B3GALT6: variants seen among roughly 807,000 people sequenced by gnomAD.
B3GALT6 encodes the protein GAG GalTII.
B3GALT6 carries 27 observed loss-of-function variants against 23.3 expected under a neutral mutation model. The ratio of observed to expected loss-of-function variants is 1.16; its 90% confidence interval spans 0.85 to 1.60. The LOEUF (loss-of-function observed/expected upper bound fraction) is 1.60. Among genes scored for constraint, B3GALT6 ranks in the 40% most tolerant of loss-of-function variants. The pLI, the probability that B3GALT6 is intolerant of heterozygous loss-of-function variation, is 0.00. For synonymous variants in B3GALT6, 313 were observed against 232.3 expected (o/e 1.35, Z -3.16); for missense variants, 554 against 471.1 (o/e 1.18, Z -1.63).
chr1:1,232,489 G>A lies in B3GALT6; in HGVS notation c.211G>A (p.Glu71Lys). ...GGTGGCCAGCGCGCCCCGCGCCGCCGAGCGCCGCAGCGTGATCCGCAGCAC... is the reference window on the plus strand; with the variant it reads ...GGTGGCCAGCGCGCCCCGCGCCGCCAAGCGCCGCAGCGTGATCCGCAGCAC... ...VLVASAPRAA[E>K]RRSVIRSTWL... Residue 71 changes from glutamate to lysine, a missense_variant, in exon 1 of 1, where the codon GAG becomes AAG. Transcript: ENST00000379198. 6.7e-6 allele frequency: 7 copies of A among 1,049,494 alleles called. No individual in the cohort carries two copies. Among genetic ancestry groups the A allele is most frequent in the Non-Finnish European group, 6.9e-6 (6 of 873,698 alleles). The allele number at this position is 1,049,494 out of a possible 1,614,324, so 65.0% of individuals were successfully genotyped here. A position where few individuals can be genotyped will look rare whatever the true frequency, so the allele number is the denominator to read the frequency against.
rs1283520852 is a variant in B3GALT6 at position 1,233,810 on chromosome 1, A to C, written c.*542A>C. 1 of 167,026 alleles carries C rather than the reference A, an allele frequency of 6.0e-6. No individual in the cohort carries two copies. Among genetic ancestry groups the C allele is most frequent in the Non-Finnish European group, 1.5e-5 (1 of 68,276 alleles). 10.3% of individuals were successfully genotyped at this position (167,026 alleles called of 1,614,324 possible). On this transcript the variant is annotated 3_prime_UTR_variant, in exon 1 of 1. Transcript: ENST00000379198. ...TCAGAACTTGGTGCCTGTACCGTCA[A>C]CCCCGCTGCTGCCCGTGTTTAAACG...
Position 1,234,841 on chromosome 1 carries a change from A to C in B3GALT6, c.*1573A>C, listed in dbSNP as rs1364070282. The C allele has an allele frequency of 6.0e-6, 1 of 166,868 alleles. No homozygotes were observed. The highest frequency in any genetic ancestry group is 1.5e-5 in the Non-Finnish European group (1 of 68,100). The allele number at this position is 166,868 out of a possible 1,614,324, so 10.3% of individuals were successfully genotyped here. Reference sequence around the variant, plus strand: ...ACAGTGGAGAGCGGGATTCGAACCAAGGGCTGGACTCCCACACCTCTGGCC... The same window carrying C: ...ACAGTGGAGAGCGGGATTCGAACCACGGGCTGGACTCCCACACCTCTGGCC... On this transcript the variant is annotated 3_prime_UTR_variant, in exon 1 of 1. Coordinates refer to ENST00000379198, the MANE Select transcript of B3GALT6 (RefSeq NM_080605.4).
chr1:1,234,592 C>T lies in B3GALT6; in HGVS notation c.*1324C>T, dbSNP rs910663784. ...CGTGTGTGCACAGTTTGTTCTTGGA[C>T]GAGGACTCGTGAGGATCGAGGGCTG... On this transcript the variant is annotated 3_prime_UTR_variant, in exon 1 of 1. Transcript: ENST00000379198. The T allele has an allele frequency of 1.8e-4, 30 of 167,058 alleles. No homozygotes were observed. Among genetic ancestry groups the T allele is most frequent in the Non-Finnish European group, 3.4e-4 (23 of 68,164 alleles). The allele number at this position is 167,058 out of a possible 1,614,324, so 10.3% of individuals were successfully genotyped here.
In B3GALT6 at chr1:1,233,358, A is replaced by G. The variant is rs1638581424; in HGVS notation, c.*90A>G. The G allele has an allele frequency of 3.6e-5, 49 of 1,351,878 alleles. No homozygotes were observed. In the South Asian group the frequency reaches 6.1e-4, roughly 17 times the overall value. The allele number at this position is 1,351,878 out of a possible 1,614,324, so 83.7% of individuals were successfully genotyped here. On this transcript the variant is annotated 3_prime_UTR_variant, in exon 1 of 1. Transcript: ENST00000379198. ...GCGGGCGCACTACGCCCGGGCCCCA[A>G]GGCCCCCGTCCCGCAGCCACGCTTG...
Position 1,234,830 on chromosome 1 carries a change from G to T in B3GALT6, c.*1562G>T, listed in dbSNP as rs1043012123. The T allele has an allele frequency of 1.2e-5, 2 of 167,038 alleles. No homozygotes were observed. Among genetic ancestry groups the T allele is most frequent in the Admixed American group, 1.3e-4 (2 of 15,312 alleles). The allele number at this position is 167,038 out of a possible 1,614,324, so 10.3% of individuals were successfully genotyped here. A position where few individuals can be genotyped will look rare whatever the true frequency, so the allele number is the denominator to read the frequency against. ...GAACCCCATGGACAGTGGAGAGCGG[G>T]ATTCGAACCAAGGGCTGGACTCCCA... On this transcript the variant is annotated 3_prime_UTR_variant, in exon 1 of 1. Transcript: ENST00000379198.
Position 1,233,171 on chromosome 1 carries a change from G to T in B3GALT6, c.893G>T (p.Arg298Leu), listed in dbSNP as rs1454300375. Residue 298 changes from arginine (R) to leucine (L), a missense_variant, in exon 1 of 1, where the codon CGC (arginine) becomes CTC (leucine). Coordinates refer to ENST00000379198, the MANE Select transcript of B3GALT6 (RefSeq NM_080605.4). ...CACGCGACGCTGGCGCGCGAGGGCC[G>T]CCTGTGCAAGCGCGAGGTGCAGCTG... is the stretch of plus-strand genomic sequence containing the variant. ...EKHATLAREG[R>L]LCKREVQLRL... The T allele has an allele frequency of 1.3e-6, 2 of 1,545,738 alleles. No individual in the cohort carries two copies. Among genetic ancestry groups the T allele is most frequent in the Admixed American group, 3.9e-5 (2 of 51,668 alleles).
rs1478246707 is a variant in B3GALT6, at chr1:1,232,667, A to T, written c.389A>T (p.Glu130Val). 1 of 1,337,762 alleles carries T rather than the reference A, an allele frequency of 7.5e-7. No homozygotes were observed. Among genetic ancestry groups the T allele is most frequent in the Non-Finnish European group, 9.6e-7 (1 of 1,039,816 alleles). The allele number at this position is 1,337,762 out of a possible 1,614,324, so 82.9% of individuals were successfully genotyped here. A position where few individuals can be genotyped will look rare whatever the true frequency, so the allele number is the denominator to read the frequency against. The change falls in exon 1 of 1, where the codon GAA becomes GTA. Residue 130 changes from glutamate to valine, a missense_variant. Glu to Val is a moderately radical substitution (Grantham distance 121). Transcript: ENST00000379198. ...CTGCCCGCGCTGCGCGACGCCTACG[A>T]AAACCTCACGGCCAAGGTGCTGGCC... is the stretch of plus-strand genomic sequence containing the variant. The part of the protein sequence containing the change: ...LLLPALRDAY[E>V]NLTAKVLAML...
chr1:1,234,429 G>C lies in B3GALT6; in HGVS notation c.*1161G>C, dbSNP rs1638613475. On this transcript the variant is annotated 3_prime_UTR_variant, in exon 1 of 1. Transcript: ENST00000379198. Reference sequence around the variant, plus strand: ...AGAAACGGGGGCGGGAGAGAGTGGTGATCTGTGGTCAGTGGGTCAGTGACC... The same window carrying C: ...AGAAACGGGGGCGGGAGAGAGTGGTCATCTGTGGTCAGTGGGTCAGTGACC... 1 of 166,966 alleles carries C rather than the reference G, an allele frequency of 6.0e-6. No individual in the cohort carries two copies. Among genetic ancestry groups the C allele is most frequent in the Non-Finnish European group, 1.5e-5 (1 of 68,198 alleles). The allele number at this position is 166,966 out of a possible 1,614,324, so 10.3% of individuals were successfully genotyped here. A position where few individuals can be genotyped will look rare whatever the true frequency, so the allele number is the denominator to read the frequency against.
chr1:1,233,124 C>T lies in B3GALT6; in HGVS notation c.846C>T (p.Ser282=), dbSNP rs763668534. 2.6e-6 allele frequency: 4 copies of T among 1,562,688 alleles called. No individual in the cohort carries two copies. Among genetic ancestry groups the T allele is most frequent in the Non-Finnish European group, 2.6e-6 (3 of 1,158,616 alleles). ...AGTACCTGGTGACGCACAAGCAGAGCCTGGAGGACATGCTGGAGAAGCACG... is the reference window on the plus strand; with the variant it reads ...AGTACCTGGTGACGCACAAGCAGAGTCTGGAGGACATGCTGGAGAAGCACG... The part of the protein sequence containing the change: ...SNQYLVTHKQ[S]LEDMLEKHAT... The change falls in exon 1 of 1, where the codon AGC becomes AGT. Residue 282 remains serine (S), a synonymous_variant. Coordinates refer to ENST00000379198, the MANE Select transcript of B3GALT6 (RefSeq NM_080605.4).
chr1:1,233,539 G>A lies in B3GALT6; in HGVS notation c.*271G>A, dbSNP rs1291822132. 2.6e-6 allele frequency: 1 copy of A among 377,360 alleles called. No individual in the cohort carries two copies. The highest frequency in any genetic ancestry group is 4.9e-6 in the Non-Finnish European group (1 of 203,558). The allele number at this position is 377,360 out of a possible 1,614,324, so 23.4% of individuals were successfully genotyped here. On this transcript the variant is annotated 3_prime_UTR_variant, in exon 1 of 1. Transcript: ENST00000379198. ...CGTGCTGTCCCCGACCGGCTCACGG[G>A]GCTGGGCTCCGATCTTCCGTGTCTC...
At position 1,232,546 on chromosome 1, in the gene B3GALT6, G is replaced by A; in HGVS notation, c.268G>A (p.Val90Met). Residue 90 changes from valine to methionine, a missense_variant, in exon 1 of 1, where the codon GTG (valine) becomes ATG (methionine). Transcript: ENST00000379198. ...TGCGCGGCGCGGGGCCCCGGGCGAC[G>A]TGTGGGCGCGCTTTGCCGTGGGCAC... ...WLARRGAPGDVWARFAVGTAG... is the reference protein window; with the variant it reads ...WLARRGAPGDMWARFAVGTAG... 8.6e-7 allele frequency: 1 copy of A among 1,166,962 alleles called. No individual in the cohort carries two copies. Among genetic ancestry groups the A allele is most frequent in the Non-Finnish European group, 1.1e-6 (1 of 946,874 alleles). The allele number at this position is 1,166,962 out of a possible 1,614,324, so 72.3% of individuals were successfully genotyped here.
Position 1,233,510 on chromosome 1 carries a change from C to T in B3GALT6, c.*242C>T, listed in dbSNP as rs1638586392. On this transcript the variant is annotated 3_prime_UTR_variant, in exon 1 of 1. Coordinates refer to ENST00000379198, the MANE Select transcript of B3GALT6 (RefSeq NM_080605.4). ...TGAGCCGGGCCCGGCCGCACGCTGACCCCCGTGCTGTCCCCGACCGGCTCA... is the reference window on the plus strand; with the variant it reads ...TGAGCCGGGCCCGGCCGCACGCTGATCCCCGTGCTGTCCCCGACCGGCTCA... The T allele has an allele frequency of 4.5e-6, 2 of 443,024 alleles. No individual in the cohort carries two copies. The highest frequency in any genetic ancestry group is 6.1e-5 in the South Asian group (1 of 16,368). 27.4% of individuals were successfully genotyped at this position (443,024 alleles called of 1,614,324 possible). A position where few individuals can be genotyped will look rare whatever the true frequency, so the allele number is the denominator to read the frequency against.
chr1:1,234,762 G>A lies in B3GALT6; in HGVS notation c.*1494G>A, dbSNP rs946134583. 1 of 166,926 alleles carries A rather than the reference G, an allele frequency of 6.0e-6. No homozygotes were observed. The highest frequency in any genetic ancestry group is 2.4e-5 in the African/African-American group (1 of 41,440). 10.3% of individuals were successfully genotyped at this position (166,926 alleles called of 1,614,324 possible). A position where few individuals can be genotyped will look rare whatever the true frequency, so the allele number is the denominator to read the frequency against. On this transcript the variant is annotated 3_prime_UTR_variant, in exon 1 of 1. Transcript: ENST00000379198. ...TCTTCTCTGGAGTTTGGAATTGCTT[G>A]AGGAACCCTGCGTGTGCTTGGAGAG...
rs1638541516 is a variant in B3GALT6 at position 1,232,548 on chromosome 1, G to A, written c.270G>A (p.Val90=). 8.6e-7 allele frequency: 1 copy of A among 1,169,490 alleles called. No homozygotes were observed. Among genetic ancestry groups the A allele is most frequent in the Non-Finnish European group, 1.1e-6 (1 of 948,448 alleles). 72.4% of individuals were successfully genotyped at this position (1,169,490 alleles called of 1,614,324 possible). Residue 90 remains valine, a synonymous_variant, in exon 1 of 1, where the codon GTG becomes GTA. Coordinates refer to ENST00000379198, the MANE Select transcript of B3GALT6 (RefSeq NM_080605.4). The stretch of plus-strand genomic sequence containing the variant: ...CGCGGCGCGGGGCCCCGGGCGACGT[G>A]TGGGCGCGCTTTGCCGTGGGCACGG... The part of the protein sequence containing the change: ...WLARRGAPGD[V]WARFAVGTAG...
Position 1,232,561 on chromosome 1 carries a change from G to A in B3GALT6, c.283G>A (p.Ala95Thr). The A allele has an allele frequency of 8.5e-7, 1 of 1,178,578 alleles. No homozygotes were observed. The highest frequency in any genetic ancestry group is 1.0e-6 in the Non-Finnish European group (1 of 954,170). The allele number at this position is 1,178,578 out of a possible 1,614,324, so 73.0% of individuals were successfully genotyped here. Reference sequence around the variant, plus strand: ...CCCGGGCGACGTGTGGGCGCGCTTTGCCGTGGGCACGGCCGGCCTGGGCGC... The same window carrying A: ...CCCGGGCGACGTGTGGGCGCGCTTTACCGTGGGCACGGCCGGCCTGGGCGC... ...GAPGDVWARF[A>T]VGTAGLGAEE... is the part of the protein sequence containing the mutation. The change falls in exon 1 of 1, where the codon GCC (alanine) becomes ACC (threonine). Residue 95 changes from alanine (A) to threonine (T), a missense_variant. By Grantham distance (58) the Ala-to-Thr change is moderately conservative. Coordinates refer to ENST00000379198, the MANE Select transcript of B3GALT6 (RefSeq NM_080605.4).
In B3GALT6 at chr1:1,232,714, C is replaced by T. The variant is rs558669120; in HGVS notation, c.436C>T (p.His146Tyr). The T allele has an allele frequency of 3.1e-5, 44 of 1,429,990 alleles. 1 individual carries two copies. The Middle Eastern group carries it at 5.6e-4, about 18-fold the overall frequency. The allele number at this position is 1,429,990 out of a possible 1,614,324, so 88.6% of individuals were successfully genotyped here. A position where few individuals can be genotyped will look rare whatever the true frequency, so the allele number is the denominator to read the frequency against. The change falls in exon 1 of 1, where the codon CAC (histidine) becomes TAC (tyrosine). Residue 146 changes from histidine to tyrosine, a missense_variant. By Grantham distance (83) the His-to-Tyr change is moderately conservative. Transcript: ENST00000379198. ...VLAMLAWLDE[H>Y]VAFEFVLKAD... Reference sequence around the variant, plus strand: ...GGCCATGCTGGCCTGGCTGGACGAGCACGTGGCCTTCGAGTTCGTGCTCAA... The same window carrying T: ...GGCCATGCTGGCCTGGCTGGACGAGTACGTGGCCTTCGAGTTCGTGCTCAA...
rs1255342323 is a variant in B3GALT6, at chr1:1,232,307, G to A, written c.29G>A (p.Arg10Gln). Reference sequence around the variant, plus strand: ...AAGCTGCTGCGGCGGGCGTGGCGGCGGCGGGCGGCGCTAGGCCTGGGCACG... The same window carrying A: ...AAGCTGCTGCGGCGGGCGTGGCGGCAGCGGGCGGCGCTAGGCCTGGGCACG... MKLLRRAWR[R>Q]RAALGLGTLA... Residue 10 changes from arginine to glutamine, a missense_variant, in exon 1 of 1, where the codon CGG becomes CAG. Arg to Gln is a conservative substitution (Grantham distance 43). Coordinates refer to ENST00000379198, the MANE Select transcript of B3GALT6 (RefSeq NM_080605.4). The A allele has an allele frequency of 1.7e-5, 17 of 982,700 alleles. No homozygotes were observed. Among genetic ancestry groups the A allele is most frequent in the Non-Finnish European group, 2.0e-5 (17 of 829,542 alleles). 60.9% of individuals were successfully genotyped at this position (982,700 alleles called of 1,614,324 possible).
chr1:1,234,945 G>A lies in B3GALT6; in HGVS notation c.*1677G>A, dbSNP rs993369240. ...AAATGTCCGAGACCCCCAACAGGAA[G>A]AGTCTAAAAATCCAGTTTGCAACCA... is the stretch of plus-strand genomic sequence containing the variant. On this transcript the variant is annotated 3_prime_UTR_variant, in exon 1 of 1. Transcript: ENST00000379198. The A allele has an allele frequency of 1.2e-5, 2 of 166,858 alleles. No individual in the cohort carries two copies. Among genetic ancestry groups the A allele is most frequent in the South Asian group, 2.1e-4 (1 of 4,824 alleles). The allele number at this position is 166,858 out of a possible 1,614,324, so 10.3% of individuals were successfully genotyped here.
At position 1,232,244 on chromosome 1, in the gene B3GALT6, A is replaced by T. The variant is rs1344194201; in HGVS notation, c.-35A>T. 1 of 980,230 alleles carries T rather than the reference A, an allele frequency of 1.0e-6. No homozygotes were observed. Among genetic ancestry groups the T allele is most frequent in the African/African-American group, 1.8e-5 (1 of 56,552 alleles). The allele number at this position is 980,230 out of a possible 1,614,324, so 60.7% of individuals were successfully genotyped here. On this transcript the variant is annotated 5_prime_UTR_variant, in exon 1 of 1. Coordinates refer to ENST00000379198, the MANE Select transcript of B3GALT6 (RefSeq NM_080605.4). Reference sequence around the variant, plus strand: ...AGCCGGCGGCGCCTGCGCACTCGCGAGTCCGGCCTGGGCCGCCGGCCCGGC... The same window carrying T: ...AGCCGGCGGCGCCTGCGCACTCGCGTGTCCGGCCTGGGCCGCCGGCCCGGC...
Sources: allele counts gnomAD v4.1 joint callset, GRCh38; gene constraint gnomAD v4.1.1; transcripts MANE v1.5; gene names NCBI Gene and HGNC (gene_info 2026-07-23, HGNC 2026-07-21).